SPOCK3: variants seen among roughly 807,000 people sequenced by gnomAD.
SPOCK3 encodes the protein testican-3.
Under a neutral mutation model 56.6 loss-of-function variants are expected in SPOCK3, and 30 were observed. The observed-to-expected ratio is 0.53, with a 90% confidence interval of 0.40 to 0.72. SPOCK3 has a LOEUF of 0.72. SPOCK3 is among the 30% of genes least tolerant of loss of function. The pLI, the probability that SPOCK3 is intolerant of heterozygous loss-of-function variation, is 0.00. For synonymous variants in SPOCK3, 196 were observed against 183.3 expected, an observed-to-expected ratio of 1.07 and a Z score of -0.56; for missense variants, 527 against 530.0, an observed-to-expected ratio of 0.99 and a Z score of 0.06.
At chr4:166,762,149 TCTCA>T (rs576128300) in intron 7 of SPOCK3, among the ~76,000 whole-genome samples, 11 of 152,224 alleles carry the variant, frequency 7.2e-5, no homozygotes, top group African/African-American at 2.2e-4. Flanking sequence ...AACAGAGTTA[TCTCA>T]CTCAAACAAA....
At chr4:167,037,548 T>A (rs1298407815) in intron 3 of SPOCK3, among the ~76,000 whole-genome samples, 1 of 151,296 alleles carries the variant, frequency 6.6e-6, no homozygotes, top group African/African-American at 2.4e-5. Context: ...CTAAGGATTT[T>A]TTGAAATATC....
At chr4:166,945,244 G>C (rs1298299882) in intron 4 of SPOCK3, among the ~76,000 whole-genome samples, 1 of 151,954 alleles carries the variant, frequency 6.6e-6, no homozygotes, top group Non-Finnish European at 1.5e-5. Flanking sequence ...TGACTCCCTG[G>C]CACCCTCAGT....
intron 2 of SPOCK3, among the ~76,000 whole-genome samples, chr4:167,095,078 A>G (rs7697703): frequency 0.054 from 8,173 of 152,120 alleles, 319 homozygotes; most frequent in African/African-American, 0.11. Context: ...CTATTCAGGT[A>G]TTCAACAAAC....
At chr4:166,854,137 AAAT>A (rs1293010428) in intron 6 of SPOCK3, among the ~76,000 whole-genome samples, 1 of 152,178 alleles carries the variant, frequency 6.6e-6, no homozygotes, top group Non-Finnish European at 1.5e-5. Context: ...ACTTATACGT[AAAT>A]AAACTCTCCC....
At chr4:166,806,823 G>A (rs963843061) in intron 6 of SPOCK3, among the ~76,000 whole-genome samples, 3 of 151,976 alleles carry the variant, frequency 2.0e-5, no homozygotes, top group Admixed American at 2.0e-4. Context: ...CATGCGAGAT[G>A]TATTTCAAGA....
chr4:166,934,265 T>A (rs1477149011), intron 4 of SPOCK3, among the ~76,000 whole-genome samples: 1 of 150,188 alleles, frequency 6.7e-6, no homozygotes, highest in South Asian at 2.1e-4. Flanking sequence ...CCGAGACTGG[T>A]GGATCACCAG....
chr4:167,092,239 G>T (rs977063226), intron 2 of SPOCK3, among the ~76,000 whole-genome samples: 3 of 152,134 alleles, frequency 2.0e-5, no homozygotes, highest in Non-Finnish European at 2.9e-5. Context: ...GGACTGTGCC[G>T]TGAGGAACAG....
At chr4:166,904,509 C>G (rs1736407834) in intron 5 of SPOCK3, among the ~76,000 whole-genome samples, 1 of 151,990 alleles carries the variant, frequency 6.6e-6, no homozygotes, top group Non-Finnish European at 1.5e-5. Flanking sequence ...TTTTGAGTAA[C>G]TCAGCTGAAA....
chr4:166,858,550 A>G (rs1166892684), intron 6 of SPOCK3, among the ~76,000 whole-genome samples: 1 of 152,146 alleles, frequency 6.6e-6, no homozygotes, highest in Non-Finnish European at 1.5e-5. Flanking sequence ...CATCTGCCAC[A>G]GTGTCTTAAC....
intron 2 of SPOCK3, among the ~76,000 whole-genome samples, chr4:167,152,769 G>A (rs1251964739): frequency 6.6e-6 from 1 of 152,126 alleles, no homozygotes; most frequent in African/African-American, 2.4e-5. Context: ...TGCTTCCAAA[G>A]TAGTAATCCA....
In SPOCK3 at chr4:166,924,128, T is replaced by C. The variant is rs183434311; in HGVS notation, c.351-11385A>G. Among the ~76,000 whole-genome samples the C allele has an allele frequency of 4.8e-3, 736 of 152,286 alleles. 6 individuals are homozygous for C. Among genetic ancestry groups the C allele is most frequent in the African/African-American group, 0.017 (709 of 41,570 alleles). On this transcript the variant is annotated intron_variant, in intron 4 of 10. Transcript: ENST00000357545. ...TAAAAGCCAGTCAGTTAGAATAAAATAAAAATAATAAACTTGCCTCTGAAT... is the reference window on the plus strand; with the variant it reads ...TAAAAGCCAGTCAGTTAGAATAAAACAAAAATAATAAACTTGCCTCTGAAT...
At chr4:167,128,636 C>T (rs572150490) in intron 2 of SPOCK3, among the ~76,000 whole-genome samples, 6 of 152,312 alleles carry the variant, frequency 3.9e-5, no homozygotes, top group East Asian at 1.9e-4. Context: ...TACACTAACA[C>T]TAATGATAGC....
intron 9 of SPOCK3, among the ~76,000 whole-genome samples, chr4:166,741,107 T>C (rs776004408): frequency 1.3e-5 from 2 of 152,278 alleles, no homozygotes; most frequent in African/African-American, 4.8e-5. Context: ...TAGAGTTATG[T>C]GCCATTAAAT....
intron 6 of SPOCK3, among the ~76,000 whole-genome samples, chr4:166,863,069 G>T (rs540500063): frequency 6.6e-6 from 1 of 151,988 alleles, no homozygotes; most frequent in Non-Finnish European, 1.5e-5. Context: ...TCTCTCTGCC[G>T]AAACCCTACA....
At chr4:166,972,988 C>T (rs1745550032) in intron 4 of SPOCK3, among the ~76,000 whole-genome samples, 1 of 152,096 alleles carries the variant, frequency 6.6e-6, no homozygotes, top group African/African-American at 2.4e-5. Flanking sequence ...ATGTTGATAT[C>T]GTTCGGCTCT....
chr4:166,854,081 T>C (rs887603121), intron 6 of SPOCK3, among the ~76,000 whole-genome samples: 3 of 152,204 alleles, frequency 2.0e-5, no homozygotes, highest in East Asian at 3.9e-4. Context: ...CAACTCAATA[T>C]ATTTTGCATT....
chr4:166,931,129 C>A (rs1410139119), intron 4 of SPOCK3, among the ~76,000 whole-genome samples: 8 of 152,094 alleles, frequency 5.3e-5, no homozygotes, highest in African/African-American at 1.9e-4. Flanking sequence ...TGACAGGCGC[C>A]CGCCACCACG....
intron 3 of SPOCK3, among the ~76,000 whole-genome samples, chr4:167,023,433 T>C (rs1751391347): frequency 6.6e-6 from 1 of 151,800 alleles, no homozygotes; most frequent in Non-Finnish European, 1.5e-5. Context: ...ATATGGGAAT[T>C]AAGACTTGGA....
intron 6 of SPOCK3, among the ~76,000 whole-genome samples, chr4:166,842,245 C>T (rs879739497): frequency 1.3e-5 from 2 of 152,214 alleles, no homozygotes; most frequent in African/African-American, 2.4e-5. Flanking sequence ...CAGCACGTTG[C>T]TTTTGCTGGC....
Sources: allele counts gnomAD v4.1 joint callset (sites outside exome capture counted in the v4.1 genomes callset), GRCh38; gene constraint gnomAD v4.1.1; transcripts MANE v1.5; gene names NCBI Gene and HGNC (gene_info 2026-07-23, HGNC 2026-07-21).